The following TMEM117 variants were observed in gnomAD, a reference collection of about 807,000 sequenced individuals.
TMEM117 encodes transmembrane protein 117.
In TMEM117, 27 loss-of-function variants were observed where a neutral mutation model predicts 52.4. The ratio of observed to expected loss-of-function variants is 0.51; its 90% CI spans 0.38 to 0.71. The LOEUF is 0.71. Ranked by LOEUF, TMEM117 falls within the 30% of genes least tolerant of loss-of-function variation. The pLI is 0.00. For missense variants in TMEM117, 556 were observed against 630.5 expected (o/e 0.88, Z 1.26); for synonymous variants, 215 against 206.3 (o/e 1.04, Z -0.36).
At chr12:43,926,817 T>C (rs534872130) in intron 2 of TMEM117, among the ~76,000 whole-genome samples, 3 of 152,276 alleles carry the variant, frequency 2.0e-5, no homozygotes, top group Admixed American at 6.5e-5. Flanking sequence ...TATTACCTTA[T>C]CTCTTTTTTC....
chr12:44,099,125 T>A (rs1043346321), intron 3 of TMEM117, among the ~76,000 whole-genome samples: 12 of 152,064 alleles, frequency 7.9e-5, no homozygotes, highest in Non-Finnish European at 1.5e-4. Context: ...ATTTTTTTTT[T>A]AAAGTCAACC....
the TMEM117 span, among the ~76,000 whole-genome samples, chr12:43,822,228 G>A: frequency 3.5e-3 from 534 of 152,276 alleles, 3 homozygotes; most frequent in Middle Eastern, 6.9e-3. Context: ...TAACTCTTGC[G>A]TGAGCCCAGA....
intron 3 of TMEM117, among the ~76,000 whole-genome samples, chr12:44,107,061 G>A (rs1592522687): frequency 1.3e-5 from 2 of 151,916 alleles, no homozygotes; most frequent in African/African-American, 4.8e-5. Context: ...TTTTAAAAAC[G>A]AACAATACTC....
intron 4 of TMEM117, among the ~76,000 whole-genome samples, chr12:44,201,114 A>AAATGAGGTTTCAAAGC (rs542896241): frequency 1.3e-5 from 2 of 152,204 alleles, no homozygotes; most frequent in Non-Finnish European, 2.9e-5. Flanking sequence ...TTGCCTTTTA[A>AAATGAGGTTTCAAAGC]AATGAGGTTT....
At chr12:43,814,142 CTAAG>C in the TMEM117 span, among the ~76,000 whole-genome samples, 3 of 152,224 alleles carry the variant, frequency 2.0e-5, no homozygotes, top group Admixed American at 2.0e-4. Context: ...AAATACAACT[CTAAG>C]TAAGCTGAAT....
At chr12:44,249,621 G>A (rs1298952862) in intron 5 of TMEM117, among the ~76,000 whole-genome samples, 3 of 152,192 alleles carry the variant, frequency 2.0e-5, no homozygotes, top group Middle Eastern at 3.4e-3. Context: ...CTAAAACACC[G>A]TGGTACTGGT....
the TMEM117 span, among the ~76,000 whole-genome samples, chr12:43,830,570 A>G: frequency 6.6e-6 from 1 of 150,654 alleles, no homozygotes; most frequent in East Asian, 1.9e-4. Flanking sequence ...AGATCATGCC[A>G]CTGCACTCCA....
upstream of TMEM117, among the ~76,000 whole-genome samples, chr12:43,835,010 C>G (rs901608330): frequency 2.6e-5 from 4 of 152,198 alleles, no homozygotes; most frequent in East Asian, 7.7e-4. Context: ...GGGCCTAGCT[C>G]TGCCTTCATA....
chr12:44,250,797 A>G (rs1195587056), intron 5 of TMEM117, among the ~76,000 whole-genome samples: 1 of 152,116 alleles, frequency 6.6e-6, no homozygotes, highest in East Asian at 1.9e-4. Context: ...ATGAGAACAC[A>G]TGGACACAGA....
At chr12:44,317,002 C>CTTTTTTTTT (rs1202276425) in intron 6 of TMEM117, among the ~76,000 whole-genome samples, 1 of 121,532 alleles carries the variant, frequency 8.2e-6, no homozygotes, top group African/African-American at 3.0e-5. Flanking sequence ...TTTTCTTTTT[C>CTTTTTTTTT]TTTTTTTTTT....
chr12:44,289,336 AATG>A (rs1394563450), intron 5 of TMEM117, among the ~76,000 whole-genome samples: 1 of 151,782 alleles, frequency 6.6e-6, no homozygotes, highest in East Asian at 1.9e-4. Flanking sequence ...TGTTGTGAAT[AATG>A]ATGATATGAA....
chr12:44,007,491 GA>G (rs1946218028), intron 3 of TMEM117, among the ~76,000 whole-genome samples: 1 of 151,460 alleles, frequency 6.6e-6, no homozygotes, highest in Non-Finnish European at 1.5e-5. Flanking sequence ...CTTTTTTCAA[GA>G]AAAAAAGTGA....
At chr12:44,323,152 A>G (rs1951154143) in intron 6 of TMEM117, among the ~76,000 whole-genome samples, 1 of 152,146 alleles carries the variant, frequency 6.6e-6, no homozygotes, top group Non-Finnish European at 1.5e-5. Context: ...AAAGAAGCAC[A>G]TTCTTCCTTA....
intron 6 of TMEM117, among the ~76,000 whole-genome samples, chr12:44,317,208 T>C (rs1296383469): frequency 6.6e-6 from 1 of 150,874 alleles, no homozygotes; most frequent in East Asian, 1.9e-4. Context: ...CTTTCTCATC[T>C]GGAGACACTG....
intron 3 of TMEM117, among the ~76,000 whole-genome samples, chr12:44,018,744 G>T: frequency 7.1e-6 from 1 of 141,632 alleles, no homozygotes; most frequent in South Asian, 2.2e-4. Flanking sequence ...TTTTTTAGAA[G>T]AAGTCTTGCT....
intron 3 of TMEM117, among the ~76,000 whole-genome samples, chr12:44,122,238 G>T (rs1199637938): frequency 6.6e-6 from 1 of 151,798 alleles, no homozygotes; most frequent in Non-Finnish European, 1.5e-5. Flanking sequence ...TAGAGACGGG[G>T]TTTCACTGTG....
chr12:43,927,100 A>G (rs1477972193), intron 2 of TMEM117, among the ~76,000 whole-genome samples: 2 of 152,046 alleles, frequency 1.3e-5, no homozygotes, highest in Non-Finnish European at 2.9e-5. Flanking sequence ...CAAAAGTTTG[A>G]AATGTAGTCT....
intron 3 of TMEM117, among the ~76,000 whole-genome samples, chr12:44,140,333 A>T (rs1948553242): frequency 6.6e-6 from 1 of 152,030 alleles, no homozygotes; most frequent in Non-Finnish European, 1.5e-5. Flanking sequence ...ATCTCATTTT[A>T]TTGCTGTTTC....
chr12:43,967,741 A>G (rs1164325340), intron 3 of TMEM117, among the ~76,000 whole-genome samples: 1 of 152,136 alleles, frequency 6.6e-6, no homozygotes, highest in African/African-American at 2.4e-5. Flanking sequence ...CTGATTCCTG[A>G]CCCACAGAAA....
Sources: gnomAD v4.1 joint callset for allele counts (sites outside exome capture counted in the v4.1 genomes callset) on GRCh38, gnomAD v4.1.1 for gene constraint, MANE v1.5 for transcripts, NCBI Gene and HGNC (gene_info 2026-07-23, HGNC 2026-07-21) for gene names.